The following PIGS variants were observed in gnomAD, a reference collection of about 807,000 sequenced individuals.
PIGS encodes the protein GPI-anchor transamidase component PIGS.
In PIGS, 37 loss-of-function variants were observed where a neutral mutation model predicts 58.2. The ratio of observed to expected loss-of-function variants is 0.64; its 90% CI spans 0.49 to 0.84. The LOEUF is 0.84. PIGS is among the 40% of genes least tolerant of loss of function. PIGS has a pLI of 0.00. For synonymous variants in PIGS, 269 were observed against 289.2 expected (o/e 0.93, Z 0.71); for missense variants, 629 against 710.8 (o/e 0.88, Z 1.31).
At chr17:28,561,830 T>G in intron 5 of PIGS, 1 of 563,088 alleles carries the variant, frequency 1.8e-6, no homozygotes, top group Non-Finnish European at 3.1e-6. Flanking sequence ...GTTCTCTTCT[T>G]TTTCCCAGTT....
At chr17:28,558,337 C>T in intron 8 of PIGS, 139 bp downstream of exon 8, 2 of 689,450 alleles carry the variant, frequency 2.9e-6, no homozygotes, top group Admixed American at 3.2e-5. Flanking sequence ...TCAATCTCCA[C>T]AGTCTCCTCG....
Position 28,571,484 on chromosome 17 carries a change from C to T in PIGS, c.13G>A (p.Gly5Arg). The part of the protein sequence containing the change: MAAA[G>R]AAATHLEVAR... ...GCACCTAGGTGTGTAGCCGCAGCCCCGGCGGCCGCCATGCTAGCTTCCGGC... is the reference window on the plus strand; with the variant it reads ...GCACCTAGGTGTGTAGCCGCAGCCCTGGCGGCCGCCATGCTAGCTTCCGGC... The change falls in exon 1 of 12, where the codon GGG becomes AGG. Residue 5 changes from glycine (G) to arginine (R), a missense_variant. Transcript: ENST00000308360. The T allele has an allele frequency of 5.0e-6, 8 of 1,608,110 alleles. No homozygotes were observed. Among genetic ancestry groups the T allele is most frequent in the East Asian group, 2.2e-5 (1 of 44,620 alleles).
intron 4 of PIGS, 119 bp from the exon 5 acceptor site, chr17:28,563,641 G>T: frequency 1.6e-6 from 2 of 1,218,172 alleles, no homozygotes; most frequent in South Asian, 1.3e-5. Context: ...GTCAGGCTTG[G>T]GTAAGCCAAT....
At position 28,563,796 on chromosome 17, in the gene PIGS, G is replaced by T. The variant is rs769350142; in HGVS notation, c.376+22C>A. On this transcript the variant is annotated intron_variant, in intron 4 of 11. Coordinates refer to ENST00000308360, the MANE Select transcript of PIGS (RefSeq NM_033198.4). ...AAAAAGAGGGCTTCACATTAAAATG[G>T]TGTGCTCATCCCTTCCCATACCTTG... The T allele has an allele frequency of 2.1e-5, 34 of 1,590,470 alleles. No individual in the cohort carries two copies. The Admixed American group carries it at 5.7e-4, about 27-fold the overall frequency.
rs1200988299 is a variant in PIGS, at chr17:28,556,238, T to C, written c.1109A>G (p.Asn370Ser). The change falls in exon 10 of 12, where the codon AAT (asparagine) becomes AGT (serine). Residue 370 changes from asparagine (N) to serine (S), a missense_variant. Transcript: ENST00000308360. Reference protein sequence around the residue: ...MVYNVDSKTYNASVLPVRVEV... With the variant: ...MVYNVDSKTYSASVLPVRVEV... Reference sequence around the variant, plus strand: ...GACTCTCACTGGCAGCACTGAGGCATTATAGGTTTTGGAGTCAACATTATA... The same window carrying C: ...GACTCTCACTGGCAGCACTGAGGCACTATAGGTTTTGGAGTCAACATTATA... The C allele has an allele frequency of 6.2e-7, 1 of 1,613,620 alleles. No homozygotes were observed. The highest frequency in any genetic ancestry group is 1.7e-5 in the Admixed American group (1 of 60,020).
intron 3 of PIGS, among the ~76,000 whole-genome samples, chr17:28,567,222 T>C (rs932481853): frequency 6.6e-6 from 1 of 152,266 alleles, no homozygotes; most frequent in South Asian, 2.1e-4. Context: ...TGCTTCAGGA[T>C]ACAACACAAT....
intron 10 of PIGS, 93 bp from the exon 11 acceptor site, chr17:28,555,154 A>AT (rs1261414497): frequency 8.1e-7 from 1 of 1,241,062 alleles, no homozygotes; most frequent in African/African-American, 1.5e-5. Flanking sequence ...TGAGCCAGTG[A>AT]TTTTCAATCT....
chr17:28,560,251 C>A (rs2070355402), intron 6 of PIGS, 60 bp from the exon 7 acceptor site: 11 of 1,552,432 alleles, frequency 7.1e-6, no homozygotes, highest in Non-Finnish European at 9.7e-6. Flanking sequence ...GAGGGGCAGC[C>A]TGTACTCCCA....
chr17:28,564,442 G>A (rs2070383385), intron 3 of PIGS, among the ~76,000 whole-genome samples: 1 of 152,090 alleles, frequency 6.6e-6, no homozygotes, highest in Admixed American at 6.6e-5. Context: ...TGCCAGACAT[G>A]GTGGCTCACA....
rs746669117 is a variant in PIGS at position 28,560,056 on chromosome 17, T to A, written c.812A>T (p.Asp271Val). 9 of 1,608,706 alleles carry A rather than the reference T, an allele frequency of 5.6e-6. No individual in the cohort carries two copies. Among genetic ancestry groups the A allele is most frequent in the Non-Finnish European group, 7.6e-6 (9 of 1,178,234 alleles). The change falls in exon 7 of 12, where the codon GAC (aspartate) becomes GTC (valine). Residue 271 changes from aspartate to valine, a missense_variant. Coordinates refer to ENST00000308360, the MANE Select transcript of PIGS (RefSeq NM_033198.4). ...ACTTGCTCCCGGTCTCACCTGAGAGTCCACAGAGAAGTTGCCAGCGGCACC... is the reference window on the plus strand; with the variant it reads ...ACTTGCTCCCGGTCTCACCTGAGAGACCACAGAGAAGTTGCCAGCGGCACC... ...ALGAAGNFSV[D>V]SQILYYAMLG... is the part of the protein sequence containing the mutation.
intron 7 of PIGS, 63 bp downstream of exon 7, chr17:28,559,986 A>G: frequency 6.5e-7 from 1 of 1,527,826 alleles, no homozygotes; most frequent in Non-Finnish European, 8.8e-7. Context: ...ATGGAGGAAC[A>G]GACTGCACTT....
intron 7 of PIGS, among the ~76,000 whole-genome samples, chr17:28,559,104 C>T (rs552644824): frequency 4.6e-5 from 7 of 152,084 alleles, no homozygotes; most frequent in South Asian, 2.1e-4. Flanking sequence ...CTCAGCCTCC[C>T]GAGTAGCTGG....
intron 8 of PIGS, 129 bp downstream of exon 8, chr17:28,558,347 G>T: frequency 1.3e-6 from 1 of 763,602 alleles, no homozygotes; most frequent in Non-Finnish European, 2.1e-6. Context: ...CAGTCTCCTC[G>T]GACCAACCCA....
At chr17:28,563,385 C>T (rs548311692) in intron 5 of PIGS, 46 bp downstream of exon 5, 23 of 1,486,904 alleles carry the variant, frequency 1.5e-5, no homozygotes, top group East Asian at 1.4e-4. Context: ...CAGGAGTCCA[C>T]GAGCTGAAGG....
At position 28,554,924 on chromosome 17, in the gene PIGS, G is replaced by A. The variant is rs755834996; in HGVS notation, c.1319C>T (p.Thr440Ile). Residue 440 changes from threonine to isoleucine, a missense_variant, in exon 11 of 12, where the codon ACC becomes ATC. Transcript: ENST00000308360. ...RSVENLATAT[T>I]TLTSLAQLLG... ...AAGCTGCGCCAGGGAGGTAAGGGTG[G>A]TGGTGGCTGTGGCCAGGTTCTCCAC... is the stretch of plus-strand genomic sequence containing the variant. 30 of 1,613,878 alleles carry A rather than the reference G, an allele frequency of 1.9e-5. No homozygotes were observed. The highest frequency in any genetic ancestry group is 2.4e-5 in the Non-Finnish European group (28 of 1,179,922).
At chr17:28,569,564 C>T (rs1032499728) in intron 3 of PIGS, among the ~76,000 whole-genome samples, 3 of 151,930 alleles carry the variant, frequency 2.0e-5, no homozygotes, top group Non-Finnish European at 4.4e-5. Context: ...ATGCTCTAGA[C>T]TCAGCCCAAA....
Position 28,555,378 on chromosome 17 carries a change from C to T in PIGS, c.1182-317G>A, listed in dbSNP as rs949668551. On this transcript the variant is annotated intron_variant, in intron 10 of 11. Transcript: ENST00000308360. ...ACTCAGTTTAATCCTTTCACCTTTT[C>T]TACCCTCTCTTTGAACAAATGGGGC... The T allele has an allele frequency of 1.2e-5, 4 of 323,178 alleles. No homozygotes were observed. In the Admixed American group the frequency reaches 1.4e-4, roughly 12 times the overall value. 20.0% of individuals were successfully genotyped at this position (323,178 alleles called of 1,614,324 possible). A position where few individuals can be genotyped will look rare whatever the true frequency, so the allele number is the denominator to read the frequency against.
intron 5 of PIGS, among the ~76,000 whole-genome samples, chr17:28,563,004 T>G (rs2070373009): frequency 6.6e-6 from 1 of 152,124 alleles, no homozygotes; most frequent in Non-Finnish European, 1.5e-5. Context: ...CCAGCCAGCA[T>G]TCTTTATTAA....
At chr17:28,570,578 ACT>A (rs2070421067) in intron 3 of PIGS, among the ~76,000 whole-genome samples, 1 of 152,144 alleles carries the variant, frequency 6.6e-6, no homozygotes, top group Admixed American at 6.5e-5. Context: ...TTAATTTCAA[ACT>A]CTGTGTTCTT....
Sources: gnomAD v4.1 joint callset for allele counts (sites outside exome capture counted in the v4.1 genomes callset) on GRCh38, gnomAD v4.1.1 for gene constraint, MANE v1.5 for transcripts, NCBI Gene and HGNC (gene_info 2026-07-23, HGNC 2026-07-21) for gene names.